Variants in CCDC69 observed in about 807,000 individuals in gnomAD.
The protein encoded by CCDC69 is coiled-coil domain-containing protein 69.
Under a neutral mutation model 40.3 loss-of-function variants are expected in CCDC69, and 38 were observed. The ratio of observed to expected loss-of-function variants is 0.94; its 90% CI spans 0.73 to 1.24. The LOEUF is 1.24. Among genes scored for constraint, CCDC69 ranks in the 50% most tolerant of loss-of-function variants. CCDC69 has a pLI of 0.00. For synonymous variants in CCDC69, 141 were observed against 138.9 expected (o/e 1.02, Z -0.11); for missense variants, 389 against 357.9 (o/e 1.09, Z -0.70).
At position 151,186,004 on chromosome 5, in the gene CCDC69, C is replaced by T; in HGVS notation, c.495+19G>A. On this transcript the variant is annotated intron_variant, in intron 6 of 8. Transcript: ENST00000355417. ...CTGGAGATTCAAGGAGGAAAAGCGCCCAGGGTGCTGCCACCTACCTGGATA... is the reference window on the plus strand; with the variant it reads ...CTGGAGATTCAAGGAGGAAAAGCGCTCAGGGTGCTGCCACCTACCTGGATA... The T allele has an allele frequency of 1.9e-6, 3 of 1,577,618 alleles. No homozygotes were observed. Among genetic ancestry groups the T allele is most frequent in the Non-Finnish European group, 2.6e-6 (3 of 1,146,982 alleles).
At chr5:151,198,872 A>G (rs1199534655) in intron 4 of CCDC69, 125 bp downstream of exon 4, 4 of 748,438 alleles carry the variant, frequency 5.3e-6, no homozygotes, top group Non-Finnish European at 9.7e-6. Context: ...TGTAGATTTG[A>G]GTCAATTGCT....
chr5:151,194,656 A>G (rs1164306830), intron 4 of CCDC69, among the ~76,000 whole-genome samples: 1 of 152,196 alleles, frequency 6.6e-6, no homozygotes, highest in African/African-American at 2.4e-5. Flanking sequence ...GTACTTTGGG[A>G]GGCCAAGGCG....
chr5:151,208,694 A>C (rs560107143), intron 1 of CCDC69, among the ~76,000 whole-genome samples: 8 of 152,272 alleles, frequency 5.3e-5, no homozygotes, highest in African/African-American at 1.7e-4. Context: ...GGCTGGAGGA[A>C]GAAGGGAGAT....
rs578183257 is a variant in CCDC69, at chr5:151,224,037, G to A, written c.-67C>T. On this transcript the variant is annotated 5_prime_UTR_variant, in exon 1 of 9. Coordinates refer to ENST00000355417, the MANE Select transcript of CCDC69 (RefSeq NM_015621.3). ...GCCCCCAGAGGAGCCTGCGATCCGG[G>A]CCCCGCTGCCCGCTCCGCGCCCGCC... 8.0e-6 allele frequency: 11 copies of A among 1,374,582 alleles called. No individual in the cohort carries two copies. Among genetic ancestry groups the A allele is most frequent in the Middle Eastern group, 2.3e-4 (1 of 4,294 alleles). 85.1% of individuals were successfully genotyped at this position (1,374,582 alleles called of 1,614,324 possible).
At position 151,224,042 on chromosome 5, in the gene CCDC69, G is replaced by C; in HGVS notation, c.-72C>G. ...CAGAGGAGCCTGCGATCCGGGCCCC[G>C]CTGCCCGCTCCGCGCCCGCCGGCTG... On this transcript the variant is annotated 5_prime_UTR_variant, in exon 1 of 9. Transcript: ENST00000355417. The C allele has an allele frequency of 7.4e-7, 1 of 1,358,614 alleles. No homozygotes were observed. The highest frequency in any genetic ancestry group is 1.5e-5 in the African/African-American group (1 of 64,800). The allele number at this position is 1,358,614 out of a possible 1,614,324, so 84.2% of individuals were successfully genotyped here.
intron 8 of CCDC69, among the ~76,000 whole-genome samples, chr5:151,183,841 A>G (rs1252854588): frequency 6.6e-6 from 1 of 152,162 alleles, no homozygotes; most frequent in African/African-American, 2.4e-5. Context: ...CTGCTCTACC[A>G]CTTAGCTATA....
At chr5:151,198,912 T>G in intron 4 of CCDC69, 85 bp downstream of exon 4, 2 of 944,960 alleles carry the variant, frequency 2.1e-6, no homozygotes, top group Non-Finnish European at 3.5e-6. Context: ...GAGGGAACAG[T>G]GGGAGTGCCC....
chr5:151,221,603 C>T (rs994668813), intron 1 of CCDC69, among the ~76,000 whole-genome samples: 2 of 152,230 alleles, frequency 1.3e-5, no homozygotes, highest in East Asian at 3.8e-4. Flanking sequence ...CACAGCTTTG[C>T]CACCAACTGG....
At chr5:151,219,809 T>A (rs1392701702) in intron 1 of CCDC69, among the ~76,000 whole-genome samples, 1 of 152,194 alleles carries the variant, frequency 6.6e-6, no homozygotes, top group Non-Finnish European at 1.5e-5. Flanking sequence ...TTCCATTTTT[T>A]AATGGAATCG....
intron 2 of CCDC69, among the ~76,000 whole-genome samples, chr5:151,202,533 G>A (rs969879933): frequency 5.9e-5 from 9 of 152,166 alleles, no homozygotes; most frequent in African/African-American, 1.4e-4. Flanking sequence ...CTCTTTGGCC[G>A]GCCAGGATAG....
chr5:151,187,025 A>T (rs1254438453), intron 5 of CCDC69, among the ~76,000 whole-genome samples: 2 of 151,442 alleles, frequency 1.3e-5, no homozygotes, highest in Non-Finnish European at 2.9e-5. Context: ...CTTAGATCTC[A>T]CTCCCTCTAG....
At chr5:151,211,975 T>C (rs1243267299) in intron 1 of CCDC69, among the ~76,000 whole-genome samples, 1 of 124,110 alleles carries the variant, frequency 8.1e-6, no homozygotes, top group East Asian at 2.6e-4. Context: ...TCAGAGGTCA[T>C]GGAGCAGACG....
At chr5:151,199,177 A>G in intron 3 of CCDC69, 93 bp from the exon 4 acceptor site, 3 of 997,454 alleles carry the variant, frequency 3.0e-6, no homozygotes, top group Non-Finnish European at 4.8e-6. Flanking sequence ...GAACTTGGTG[A>G]CCAGAGTCCT....
At chr5:151,188,844 G>C (rs778011508) in intron 4 of CCDC69, among the ~76,000 whole-genome samples, 25 of 152,120 alleles carry the variant, frequency 1.6e-4, no homozygotes, top group Non-Finnish European at 2.9e-4. Context: ...ACTGAATGTA[G>C]CTATAAAACC....
chr5:151,223,362 G>A (rs979093663), intron 1 of CCDC69, among the ~76,000 whole-genome samples: 1 of 152,226 alleles, frequency 6.6e-6, no homozygotes, highest in African/African-American at 2.4e-5. Flanking sequence ...GCCTGCAAGA[G>A]CCCTAAGACC....
intron 4 of CCDC69, among the ~76,000 whole-genome samples, chr5:151,194,841 G>A (rs1318201897): frequency 1.4e-5 from 2 of 139,842 alleles, no homozygotes; most frequent in Non-Finnish European, 3.0e-5. Flanking sequence ...GCAGTGAGCC[G>A]AGATCACGCC....
chr5:151,210,517 C>T (rs911044016), intron 1 of CCDC69: 1 of 151,994 alleles, frequency 6.6e-6, no homozygotes, highest in South Asian at 2.1e-4. Context: ...GCACTCCAGT[C>T]TGGGCGACAG....
chr5:151,192,078 C>A, intron 4 of CCDC69, among the ~76,000 whole-genome samples: 1 of 108,774 alleles, frequency 9.2e-6, no homozygotes, highest in African/African-American at 3.8e-5. Context: ...GAGCAAAACC[C>A]TGTCTCAGGA....
At chr5:151,218,609 T>C (rs166039) in intron 1 of CCDC69, among the ~76,000 whole-genome samples, 85,529 of 152,166 alleles carry the variant, frequency 0.56, 25,020 homozygotes, top group East Asian at 0.96. Context: ...GGCTGATCTA[T>C]GCACCCTGAG....
Sources: gnomAD v4.1 joint callset for allele counts (sites outside exome capture counted in the v4.1 genomes callset) on GRCh38, gnomAD v4.1.1 for gene constraint, MANE v1.5 for transcripts, NCBI Gene and HGNC (gene_info 2026-07-23, HGNC 2026-07-21) for gene names.